Variants in BRCA1 observed in about 807,000 individuals in gnomAD.
The protein encoded by BRCA1 is breast cancer type 1 susceptibility protein.
Under a neutral mutation model 173.7 loss-of-function variants are expected in BRCA1, and 140 were observed. The observed-to-expected ratio is 0.81, with a 90% CI of 0.70 to 0.93. The LOEUF (loss-of-function observed/expected upper bound fraction) is 0.93, where lower values mean the gene tolerates loss of function less well. Ranked by LOEUF, BRCA1 falls within the 40% of genes least tolerant of loss-of-function variation. The pLI is 0.00. For synonymous variants in BRCA1, 662 were observed against 756.0 expected (o/e 0.88, Z 2.04); for missense variants, 1,983 against 2,172.5 (o/e 0.91, Z 1.73).
intron 1 of BRCA1, chr17:43,138,385 C>G: frequency 1.9e-6 from 1 of 518,382 alleles, no homozygotes; most frequent in Non-Finnish European, 3.5e-6. Flanking sequence ...TTTCTCCAAT[C>G]AACTCAGGGC....
intron 1 of BRCA1, among the ~76,000 whole-genome samples, chr17:43,149,911 C>T (rs1424417956): frequency 6.6e-6 from 1 of 152,068 alleles, no homozygotes; most frequent in East Asian, 1.9e-4. Context: ...GCCTCAACCA[C>T]CCGAGTAGCT....
chr17:43,138,444 C>T (rs146481741), intron 1 of BRCA1: 53 of 591,248 alleles, frequency 9.0e-5, no homozygotes, highest in African/African-American at 8.7e-4. Context: ...CTCTCCAGGC[C>T]TCTGACTTAG....
chr17:43,128,817 C>CTTTTTT (rs370442015), upstream of BRCA1, among the ~76,000 whole-genome samples: 3 of 142,078 alleles, frequency 2.1e-5, no homozygotes, highest in African/African-American at 7.8e-5. Context: ...TCAGGCCACA[C>CTTTTTT]TTTTTTTTTT....
At chr17:43,157,748 G>A (rs2056206656) in intron 1 of BRCA1, among the ~76,000 whole-genome samples, 1 of 152,004 alleles carries the variant, frequency 6.6e-6, no homozygotes, top group Non-Finnish European at 1.5e-5. Flanking sequence ...TGTAATCCCA[G>A]CACTTTGGGA....
At position 43,097,246 on chromosome 17, in the gene BRCA1, G is replaced by A. The variant is rs1799965; in HGVS notation, c.591C>T (p.Cys197=). 1,893 of 1,613,468 alleles carry A rather than the reference G, an allele frequency of 1.2e-3. 2 individuals carry two copies. Among genetic ancestry groups the A allele is most frequent in the Middle Eastern group, 1.3e-3 (8 of 6,060 alleles). The change falls in exon 8 of 23, where the codon TGC becomes TGT. Residue 197 remains cysteine, a splice_region_variant and synonymous_variant. Coordinates refer to ENST00000357654, the MANE Select transcript of BRCA1 (RefSeq NM_007294.4). The stretch of plus-strand genomic sequence containing the variant: ...GACAAAGGTTCTCTTTGACTCACCT[G>A]CAATAAGTTGCCTTATTAACGGTAT... ...SEDTVNKATY[C]SVGDQELLQI...
At chr17:43,156,767 T>C (rs1190969973) in intron 1 of BRCA1, among the ~76,000 whole-genome samples, 2 of 152,140 alleles carry the variant, frequency 1.3e-5, no homozygotes, top group Admixed American at 1.3e-4. Flanking sequence ...TATTTCAGTA[T>C]GGTAATTATA....
chr17:43,128,273 G>A (rs2055932945), upstream of BRCA1, among the ~76,000 whole-genome samples: 1 of 151,462 alleles, frequency 6.6e-6, no homozygotes, highest in Non-Finnish European at 1.5e-5. Context: ...CAGACGGGAG[G>A]AACGAACAAA....
At chr17:43,079,375 T>C (rs1395515080) in intron 12 of BRCA1, 1 of 1,597,334 alleles carries the variant, frequency 6.3e-7, no homozygotes. Context: ...CATGGAGTTG[T>C]TCCTTTGGCC....
At chr17:43,149,629 T>A (rs1292166251) in intron 1 of BRCA1, among the ~76,000 whole-genome samples, 2 of 152,178 alleles carry the variant, frequency 1.3e-5, no homozygotes, top group Admixed American at 6.5e-5. Flanking sequence ...AAGAGAGTGG[T>A]CTACTTGATG....
At chr17:43,138,495 T>G (rs2056046592) in intron 1 of BRCA1, 21 of 630,610 alleles carry the variant, frequency 3.3e-5, no homozygotes, top group South Asian at 3.2e-4. Context: ...ACTCCATGCC[T>G]TCTTCTTTTG....
intron 1 of BRCA1, among the ~76,000 whole-genome samples, chr17:43,168,533 G>A (rs2056284113): frequency 6.6e-6 from 1 of 152,162 alleles, no homozygotes; most frequent in Non-Finnish European, 1.5e-5. Context: ...CCAGCTACTC[G>A]GGAGCTGAGG....
rs560796663 is a variant in BRCA1 at position 43,096,473 on chromosome 17, G to C, written c.594-551C>G. On this transcript the variant is annotated intron_variant, in intron 8 of 22. Transcript: ENST00000357654. ...TGTAGTCCCAGCTACTCGTGAGATT[G>C]AGACAGGAGAATCGCTTGAACCAGG... Among the ~76,000 whole-genome samples, 3 of 150,746 alleles carry C rather than the reference G, an allele frequency of 2.0e-5. No homozygotes were observed. In the Admixed American group the frequency reaches 2.0e-4, roughly 10 times the overall value.
At chr17:43,069,696 C>T (rs756452253) in intron 15 of BRCA1, among the ~76,000 whole-genome samples, 2 of 152,148 alleles carry the variant, frequency 1.3e-5, no homozygotes, top group Non-Finnish European at 2.9e-5. Context: ...TCTACCAGGG[C>T]AGCCACAGCT....
chr17:43,126,777 G>C (rs969281950), upstream of BRCA1, among the ~76,000 whole-genome samples: 5 of 151,980 alleles, frequency 3.3e-5, no homozygotes, highest in Non-Finnish European at 7.4e-5. Context: ...TGCGCTGTGG[G>C]GGCCCCTCTC....
Position 43,124,010 on chromosome 17 carries a change from G to A in BRCA1, c.80+7C>T, listed in dbSNP as rs80358098. Reference sequence around the variant, plus strand: ...TCCCAAATTAATACACTCTTGTGCTGACTTACCAGATGGGACACTCTAAGA... The same window carrying A: ...TCCCAAATTAATACACTCTTGTGCTAACTTACCAGATGGGACACTCTAAGA... On this transcript the variant is annotated splice_region_variant and intron_variant, in intron 2 of 22. Transcript: ENST00000357654. 1.9e-6 allele frequency: 3 copies of A among 1,605,640 alleles called. No individual in the cohort carries two copies. Among genetic ancestry groups the A allele is most frequent in the Admixed American group, 3.3e-5 (2 of 59,972 alleles).
At chr17:43,106,067 C>T (rs1383303933) in intron 4 of BRCA1, among the ~76,000 whole-genome samples, 1 of 149,784 alleles carries the variant, frequency 6.7e-6, no homozygotes, top group Non-Finnish European at 1.5e-5. Context: ...TACAGTGAGC[C>T]GAGATCACGC....
rs202004680 is a variant in BRCA1 at position 43,092,748 on chromosome 17, C to T, written c.2783G>A (p.Gly928Asp). 5.6e-6 allele frequency: 9 copies of T among 1,613,966 alleles called. No homozygotes were observed. Among genetic ancestry groups the T allele is most frequent in the Non-Finnish European group, 7.6e-6 (9 of 1,180,004 alleles). The change falls in exon 10 of 23, where the codon GGC becomes GAC. Residue 928 changes from glycine (G) to aspartate (D), a missense_variant. Transcript: ENST00000357654. The stretch of plus-strand genomic sequence containing the variant: ...ATCTTTCTGACCAACCACAGGAAAG[C>T]CTGCAGTGATATTAACTGTCTGTAC... ...KPVQTVNITA[G>D]FPVVGQKDKP... is the part of the protein sequence containing the mutation.
intron 5 of BRCA1, 118 bp from the exon 6 acceptor site, chr17:43,104,379 A>G (rs2154550590): frequency 9.0e-7 from 1 of 1,117,176 alleles, no homozygotes; most frequent in Non-Finnish European, 1.3e-6. Context: ...CAATGCATTA[A>G]GGTTACCTGT....
chr17:43,147,845 C>T (rs1358228770), intron 1 of BRCA1, among the ~76,000 whole-genome samples: 1 of 152,214 alleles, frequency 6.6e-6, no homozygotes, highest in African/African-American at 2.4e-5. Flanking sequence ...TTCCCTACCC[C>T]TTCCCCAAAG....
Sources: allele counts gnomAD v4.1 joint callset (sites outside exome capture counted in the v4.1 genomes callset), GRCh38; gene constraint gnomAD v4.1.1; transcripts MANE v1.5; gene names NCBI Gene and HGNC (gene_info 2026-07-23, HGNC 2026-07-21).